Variants in PEX14 observed in about 807,000 individuals in gnomAD.
The protein encoded by PEX14 is peroxisomal membrane protein PEX14.
In PEX14, 15 loss-of-function variants were observed where a neutral mutation model predicts 49.5. That is an observed-to-expected ratio of 0.30 (90% CI 0.20 to 0.47). PEX14 has a LOEUF of 0.47. Among genes scored for constraint, PEX14 ranks in the 20% least tolerant of loss-of-function variants. PEX14 has a pLI of 1.00. For missense variants in PEX14, 398 were observed against 494.8 expected (o/e 0.80, Z 1.86); for synonymous variants, 210 against 212.7 (o/e 0.99, Z 0.11).
At position 10,623,138 on chromosome 1, in the gene PEX14, C is replaced by T. The variant is rs756085369; in HGVS notation, c.487+17C>T. 13 of 1,559,210 alleles carry T rather than the reference C, an allele frequency of 8.3e-6. No individual in the cohort carries two copies. The highest frequency in any genetic ancestry group is 1.7e-5 in the Admixed American group (1 of 59,472). ...CCCAGACAGGTAAAGATTAATGACTCCATCAAGTCACCCCTCACAGCCTTC... is the reference window on the plus strand; with the variant it reads ...CCCAGACAGGTAAAGATTAATGACTTCATCAAGTCACCCCTCACAGCCTTC... On this transcript the variant is annotated intron_variant, in intron 6 of 8. Transcript: ENST00000356607. This position sits in a 1 kb window ranked among gnomAD's most constrained non-coding sequence, Gnocchi z 4.4.
intron 4 of PEX14, among the ~76,000 whole-genome samples, chr1:10,603,674 G>C (rs943626588): frequency 1.3e-5 from 2 of 152,152 alleles, no homozygotes; most frequent in African/African-American, 4.8e-5. Context: ...CCTGAGCAGA[G>C]GTCTGATAAA....
At chr1:10,566,671 GTTTGTTTTGT>G (rs754576190) in intron 3 of PEX14, among the ~76,000 whole-genome samples, 2 of 151,688 alleles carry the variant, frequency 1.3e-5, no homozygotes, top group Non-Finnish European at 2.9e-5. Flanking sequence ...TTGTTTGTTT[GTTTGTTTTGT>G]TTTGTTTTGT....
intron 3 of PEX14, among the ~76,000 whole-genome samples, chr1:10,594,358 A>G (rs1249060559): frequency 1.3e-5 from 2 of 152,116 alleles, no homozygotes. Flanking sequence ...AGTGTCCATG[A>G]GTCCCAGATG....
At chr1:10,615,557 G>A (rs1324836889) in intron 4 of PEX14, among the ~76,000 whole-genome samples, 1 of 152,254 alleles carries the variant, frequency 6.6e-6, no homozygotes, top group Non-Finnish European at 1.5e-5. Flanking sequence ...GCGGCTCAGG[G>A]TGAATTATCG....
At chr1:10,485,870 C>G (rs954443456) in intron 1 of PEX14, among the ~76,000 whole-genome samples, 21 of 150,670 alleles carry the variant, frequency 1.4e-4, no homozygotes, top group African/African-American at 4.9e-4. Flanking sequence ...ATTCTCCTGT[C>G]TCAGACTCCC....
intron 2 of PEX14, among the ~76,000 whole-genome samples, chr1:10,530,005 C>T (rs934292575): frequency 2.0e-5 from 3 of 152,162 alleles, no homozygotes; most frequent in African/African-American, 7.2e-5. Flanking sequence ...CAGCTCCTTA[C>T]CCAGGTGCAG....
chr1:10,504,879 CAGGGTCA>C (rs1265455582), intron 2 of PEX14, among the ~76,000 whole-genome samples: 8 of 152,062 alleles, frequency 5.3e-5, no homozygotes, highest in Middle Eastern at 3.4e-3. Flanking sequence ...CTCCGCCTCC[CAGGGTCA>C]AGCTGTTCTC....
rs904257954 is a variant in PEX14, at chr1:10,494,860, C to T, written c.37-414C>T. 2.0e-5 allele frequency among the ~76,000 whole-genome samples: 3 copies of T among 152,176 alleles called. No homozygotes were observed. The highest frequency in any genetic ancestry group is 2.1e-4 in the South Asian group (1 of 4,832). ...TGGAATCTGGTTCTCCACTGCTGCGCGACTTTTCTTCCCAGTCCCCTGACG... is the reference window on the plus strand; with the variant it reads ...TGGAATCTGGTTCTCCACTGCTGCGTGACTTTTCTTCCCAGTCCCCTGACG... On this transcript the variant is annotated intron_variant, in intron 1 of 8. Transcript: ENST00000356607. This position sits in a 1 kb window ranked among gnomAD's most constrained non-coding sequence, Gnocchi z 4.3.
intron 2 of PEX14, among the ~76,000 whole-genome samples, chr1:10,513,488 G>A (rs1156843541): frequency 6.6e-6 from 1 of 152,168 alleles, no homozygotes; most frequent in Non-Finnish European, 1.5e-5. Context: ...CTGCAGTGAG[G>A]GGTGGCCCGA....
intron 3 of PEX14, among the ~76,000 whole-genome samples, chr1:10,578,786 A>G (rs1383497735): frequency 2.0e-5 from 3 of 152,160 alleles, no homozygotes; most frequent in Non-Finnish European, 4.4e-5. Context: ...TGACACTGAA[A>G]TTTCCCTGGG....
At chr1:10,574,156 A>T (rs1470851324) in intron 3 of PEX14, among the ~76,000 whole-genome samples, 1 of 152,186 alleles carries the variant, frequency 6.6e-6, no homozygotes, top group Non-Finnish European at 1.5e-5. Context: ...ATCAACAGAA[A>T]AGTGGGTGGT....
intron 3 of PEX14, among the ~76,000 whole-genome samples, chr1:10,596,197 A>G (rs186271420): frequency 2.0e-4 from 31 of 152,334 alleles, no homozygotes; most frequent in Admixed American, 1.8e-3. Flanking sequence ...AGTCCTGTAA[A>G]TGCAGTCTTA....
chr1:10,614,816 G>A (rs1249086559), intron 4 of PEX14, among the ~76,000 whole-genome samples: 4 of 152,320 alleles, frequency 2.6e-5, no homozygotes, highest in Admixed American at 6.5e-5. Flanking sequence ...CTGAGAGAGC[G>A]GGGTGGCCAG....
At chr1:10,548,341 A>G (rs11121583) in intron 3 of PEX14, among the ~76,000 whole-genome samples, 16,314 of 152,306 alleles carry the variant, frequency 0.11, 961 homozygotes, top group Non-Finnish European at 0.12. Flanking sequence ...CACCAAAGGG[A>G]CTACATGATA....
At position 10,474,990 on chromosome 1, in the gene PEX14, G is replaced by T; in HGVS notation, c.24G>T (p.Glu8Asp). Residue 8 changes from glutamate to aspartate, a missense_variant, in exon 1 of 9, where the codon GAG becomes GAT. Transcript: ENST00000356607. ...AGATGGCGTCCTCGGAGCAGGCAGAGCAGCCGAGCCAGGTAAGGGGAGTGG... is the reference window on the plus strand; with the variant it reads ...AGATGGCGTCCTCGGAGCAGGCAGATCAGCCGAGCCAGGTAAGGGGAGTGG... MASSEQA[E>D]QPSQPSSTPG... is the part of the protein sequence containing the mutation. 1 of 1,609,860 alleles carries T rather than the reference G, an allele frequency of 6.2e-7. No individual in the cohort carries two copies. Among genetic ancestry groups the T allele is most frequent in the Admixed American group, 1.7e-5 (1 of 59,544 alleles).
At chr1:10,584,344 A>G (rs1289987469) in intron 3 of PEX14, among the ~76,000 whole-genome samples, 1 of 152,188 alleles carries the variant, frequency 6.6e-6, no homozygotes, top group African/African-American at 2.4e-5. Context: ...AGGTGGGCAG[A>G]GGGATATTAT....
chr1:10,521,129 A>G (rs1477836866), intron 2 of PEX14, among the ~76,000 whole-genome samples: 3 of 150,530 alleles, frequency 2.0e-5, no homozygotes, highest in African/African-American at 7.3e-5. Flanking sequence ...CTTCTAGTGG[A>G]TAAGATTTGT....
chr1:10,604,420 C>T (rs747182681), intron 4 of PEX14, among the ~76,000 whole-genome samples: 1 of 152,122 alleles, frequency 6.6e-6, no homozygotes, highest in African/African-American at 2.4e-5. Context: ...GAGTTCAAGA[C>T]CAGCCTGGGC....
chr1:10,512,212 C>A lies in PEX14; in HGVS notation c.84+16891C>A, dbSNP rs994645338. On this transcript the variant is annotated intron_variant, in intron 2 of 8. Transcript: ENST00000356607. The surrounding 1 kb of genome is among the most constrained non-coding windows in gnomAD (Gnocchi z 4.6). ...TGACCTCGTGATCTGCCCTCCTCGG[C>A]CTCCCAAAGTGCTGAGATTACAGAC... Among the ~76,000 whole-genome samples, 1 of 152,182 alleles carries A rather than the reference C, an allele frequency of 6.6e-6. No homozygotes were observed. The highest frequency in any genetic ancestry group is 2.4e-5 in the African/African-American group (1 of 41,434).
Sources: allele counts gnomAD v4.1 joint callset (sites outside exome capture counted in the v4.1 genomes callset), GRCh38; gene constraint gnomAD v4.1.1; non-coding constraint Gnocchi (gnomAD v3.1); transcripts MANE v1.5; gene names NCBI Gene and HGNC (gene_info 2026-07-23, HGNC 2026-07-21).